Variants in SGCD observed in about 807,000 individuals in gnomAD.
SGCD encodes the protein sarcoglycan delta.
Under a neutral mutation model 36.6 loss-of-function variants are expected in SGCD, and 18 were observed. The observed-to-expected ratio is 0.49, with a 90% confidence interval of 0.34 to 0.73. The LOEUF is 0.73. Among genes scored for constraint, SGCD ranks in the 30% least tolerant of loss-of-function variants. The pLI, the probability that SGCD is intolerant of heterozygous loss-of-function variation, is 0.01. For missense variants in SGCD, 387 were observed against 346.7 expected, an observed-to-expected ratio of 1.12 and a Z score of -0.92; for synonymous variants, 133 against 130.6, an observed-to-expected ratio of 1.02 and a Z score of -0.12.
chr5:156,530,926 A>G (rs762029556), intron 4 of SGCD, among the ~76,000 whole-genome samples: 3 of 152,178 alleles, frequency 2.0e-5, no homozygotes, highest in Non-Finnish European at 4.4e-5. Context: ...TAAATAACAA[A>G]GAGTTTCTTT....
At chr5:156,279,496 C>G (rs916302938) in intron 3 of SGCD, among the ~76,000 whole-genome samples, 1 of 152,002 alleles carries the variant, frequency 6.6e-6, no homozygotes, top group Non-Finnish European at 1.5e-5. Context: ...TCAGAACAAC[C>G]CTATGGTGAA....
At chr5:156,005,286 C>G (rs1450976531) in intron 1 of SGCD, among the ~76,000 whole-genome samples, 1 of 152,152 alleles carries the variant, frequency 6.6e-6, no homozygotes, top group African/African-American at 2.4e-5. Flanking sequence ...ATTGATCTTG[C>G]TTTCCAGCTT....
chr5:156,664,935 C>T (rs1252104470), intron 7 of SGCD, among the ~76,000 whole-genome samples: 2 of 147,954 alleles, frequency 1.4e-5, no homozygotes, highest in African/African-American at 5.1e-5. Flanking sequence ...CTGGGAATTG[C>T]CATGCCTCAG....
At chr5:156,555,175 T>C (rs187688166) in intron 4 of SGCD, among the ~76,000 whole-genome samples, 1 of 152,268 alleles carries the variant, frequency 6.6e-6, no homozygotes, top group East Asian at 1.9e-4. Context: ...CCAAGAAAGT[T>C]TTTACTTTCT....
At chr5:156,618,474 A>G (rs1201276971) in intron 6 of SGCD, among the ~76,000 whole-genome samples, 1 of 152,132 alleles carries the variant, frequency 6.6e-6, no homozygotes, top group African/African-American at 2.4e-5. Context: ...TGAACAACTG[A>G]ACAACCACGA....
intron 3 of SGCD, among the ~76,000 whole-genome samples, chr5:156,308,583 C>A (rs1451244681): frequency 6.6e-6 from 1 of 152,072 alleles, no homozygotes; most frequent in Non-Finnish European, 1.5e-5. Context: ...CGGGCATGAG[C>A]CACCGCACCT....
the SGCD span, among the ~76,000 whole-genome samples, chr5:155,782,343 A>G: frequency 3.9e-5 from 6 of 152,094 alleles, no homozygotes; most frequent in Admixed American, 1.3e-4. Flanking sequence ...ATTTTTCTTA[A>G]TATACATTTG....
intron 4 of SGCD, among the ~76,000 whole-genome samples, chr5:156,543,461 A>G (rs1758433479): frequency 6.6e-6 from 1 of 152,142 alleles, no homozygotes; most frequent in South Asian, 2.1e-4. Flanking sequence ...TGGAGACCTC[A>G]GGCAGTATGT....
At chr5:156,237,780 G>T (rs1765204494) in intron 3 of SGCD, among the ~76,000 whole-genome samples, 1 of 152,144 alleles carries the variant, frequency 6.6e-6, no homozygotes, top group Non-Finnish European at 1.5e-5. Flanking sequence ...CATTGTTAAG[G>T]TTAACATTCA....
chr5:156,197,883 G>T (rs186229932), intron 3 of SGCD, among the ~76,000 whole-genome samples: 1 of 152,074 alleles, frequency 6.6e-6, no homozygotes, highest in African/African-American at 2.4e-5. Flanking sequence ...CATATGGAAT[G>T]ATTAAACTAT....
At chr5:156,557,574 C>T (rs1295676125) in intron 4 of SGCD, among the ~76,000 whole-genome samples, 1 of 152,052 alleles carries the variant, frequency 6.6e-6, no homozygotes, top group Non-Finnish European at 1.5e-5. Flanking sequence ...TCTGTGATTG[C>T]TTTTAAAATA....
intron 1 of SGCD, among the ~76,000 whole-genome samples, chr5:155,933,559 T>G (rs1459268590): frequency 6.6e-6 from 1 of 152,196 alleles, no homozygotes; most frequent in Non-Finnish European, 1.5e-5. Flanking sequence ...AATGAGTGAA[T>G]GAATCTCATT....
chr5:156,692,267 A>G (rs920906234), intron 7 of SGCD, among the ~76,000 whole-genome samples: 1 of 152,164 alleles, frequency 6.6e-6, no homozygotes, highest in Non-Finnish European at 1.5e-5. Context: ...AACAATTCCT[A>G]TCAATTGACA....
At chr5:156,648,233 T>C (rs759647141) in intron 7 of SGCD, among the ~76,000 whole-genome samples, 3 of 150,886 alleles carry the variant, frequency 2.0e-5, no homozygotes, top group African/African-American at 4.9e-5. Flanking sequence ...AAGTTATTCA[T>C]CATAACTGTG....
At chr5:156,014,813 C>T (rs1225570279) in intron 1 of SGCD, among the ~76,000 whole-genome samples, 4 of 152,190 alleles carry the variant, frequency 2.6e-5, no homozygotes, top group Admixed American at 1.3e-4. Flanking sequence ...CATGCTATGA[C>T]GTTTTTGACT....
At chr5:156,329,498 C>G (rs1057374351) in intron 1 of SGCD, 36 bp from the exon 2 acceptor site, 20 of 1,462,346 alleles carry the variant, frequency 1.4e-5, no homozygotes, top group Non-Finnish European at 1.9e-5. Flanking sequence ...GCAGGCTCTT[C>G]AGACCTTATT....
At chr5:156,643,648 G>A (rs910418055) in intron 6 of SGCD, among the ~76,000 whole-genome samples, 5 of 152,074 alleles carry the variant, frequency 3.3e-5, no homozygotes, top group African/African-American at 1.2e-4. Flanking sequence ...AATTAGAACC[G>A]AAAATCAGGT....
At chr5:155,738,892 AGT>A in the SGCD span, among the ~76,000 whole-genome samples, 8 of 137,048 alleles carry the variant, frequency 5.8e-5, no homozygotes, top group African/African-American at 1.7e-4. Context: ...AGTGTGTGTG[AGT>A]GTGTGAGAGA....
chr5:156,536,688 A>C (rs1390131827), intron 4 of SGCD, among the ~76,000 whole-genome samples: 1 of 152,150 alleles, frequency 6.6e-6, no homozygotes, highest in Non-Finnish European at 1.5e-5. Context: ...GACAGTTCCT[A>C]GGGTATTTTC....
Sources: allele counts gnomAD v4.1 joint callset (sites outside exome capture counted in the v4.1 genomes callset), GRCh38; gene constraint gnomAD v4.1.1; transcripts MANE v1.5; gene names NCBI Gene and HGNC (gene_info 2026-07-23, HGNC 2026-07-21).